SNCAIP: variants seen among roughly 807,000 people sequenced by gnomAD.
SNCAIP encodes the protein synuclein alpha interacting protein.
A neutral mutation model predicts 86.7 loss-of-function variants in SNCAIP; 43 were observed. The observed-to-expected ratio is 0.50, with a 90% CI of 0.39 to 0.64. The LOEUF (loss-of-function observed/expected upper bound fraction) is 0.64. Among genes scored for constraint, SNCAIP ranks in the 30% least tolerant of loss-of-function variants. SNCAIP has a pLI of 0.00. For missense variants in SNCAIP, 981 were observed against 1,103.1 expected (o/e 0.89, Z 1.57); for synonymous variants, 417 against 427.2 (o/e 0.98, Z 0.29).
intron 1 of SNCAIP, among the ~76,000 whole-genome samples, chr5:122,381,227 G>C: frequency 1.5e-5 from 2 of 133,492 alleles, no homozygotes; most frequent in African/African-American, 6.0e-5. Flanking sequence ...GGGTGCTCCT[G>C]TATTGGGTGC....
chr5:122,440,654 A>C lies in SNCAIP; in HGVS notation c.1322A>C (p.Gln441Pro), dbSNP rs750023564. Residue 441 changes from glutamine to proline, a missense_variant, in exon 7 of 11, where the codon CAG becomes CCG. By Grantham distance (76) the Gln-to-Pro change is moderately conservative. Transcript: ENST00000261368. ...GQEKILLWLL[Q>P]FMQEQGISLD... is the part of the protein sequence containing the mutation. ...GAAAAGATTCTTCTGTGGCTTCTTC[A>C]GTTTATGCAAGAACAGGGCATCTCG... 11 of 1,613,856 alleles carry C rather than the reference A, an allele frequency of 6.8e-6. No homozygotes were observed. The highest frequency in any genetic ancestry group is 9.3e-6 in the Non-Finnish European group (11 of 1,179,726).
At chr5:122,452,563 G>A (rs1783914010) in intron 10 of SNCAIP, among the ~76,000 whole-genome samples, 1 of 152,162 alleles carries the variant, frequency 6.6e-6, no homozygotes, top group South Asian at 2.1e-4. Context: ...TCTCTAATAA[G>A]TTGAACACCA....
chr5:122,436,481 G>C (rs548766417), intron 6 of SNCAIP: 1 of 152,152 alleles, frequency 6.6e-6, no homozygotes, highest in East Asian at 1.9e-4. Flanking sequence ...GAATTATTAA[G>C]GCCATAACCT....
At chr5:122,380,816 A>G (rs1483499945) in intron 1 of SNCAIP, among the ~76,000 whole-genome samples, 2 of 152,050 alleles carry the variant, frequency 1.3e-5, no homozygotes, top group Non-Finnish European at 2.9e-5. Context: ...GTCATTTAGG[A>G]GCAGGTTGTT....
At chr5:122,350,522 T>G (rs10051426) in intron 1 of SNCAIP, among the ~76,000 whole-genome samples, 10,443 of 151,956 alleles carry the variant, frequency 0.069, 1,145 homozygotes, top group African/African-American at 0.24. Context: ...TTGTTTGTTT[T>G]TTTTTTTTAA....
chr5:122,339,017 G>A (rs1757046772), intron 1 of SNCAIP, among the ~76,000 whole-genome samples: 1 of 152,152 alleles, frequency 6.6e-6, no homozygotes. Context: ...AAAGTTACGT[G>A]TACAAAGGCA....
chr5:122,383,312 G>A (rs368018027), intron 1 of SNCAIP, among the ~76,000 whole-genome samples: 22 of 152,256 alleles, frequency 1.4e-4, no homozygotes, highest in African/African-American at 4.8e-4. Flanking sequence ...TTCCAGGTGC[G>A]TCCGTCACCC....
chr5:122,337,207 C>A (rs573542937), intron 1 of SNCAIP, among the ~76,000 whole-genome samples: 5 of 152,232 alleles, frequency 3.3e-5, no homozygotes, highest in African/African-American at 9.6e-5. Context: ...CAATGTCAAC[C>A]TTTCAATGAT....
chr5:122,397,974 G>A (rs760000127), intron 2 of SNCAIP, among the ~76,000 whole-genome samples: 8 of 152,126 alleles, frequency 5.3e-5, no homozygotes, highest in Non-Finnish European at 7.4e-5. Context: ...GAAAAATGCC[G>A]TCTGGATTTT....
At chr5:122,318,815 T>C (rs951343538) in intron 1 of SNCAIP, among the ~76,000 whole-genome samples, 5 of 152,198 alleles carry the variant, frequency 3.3e-5, no homozygotes, top group Non-Finnish European at 1.5e-5. Flanking sequence ...AGAGACCAGA[T>C]AAGGAATCCT....
intron 7 of SNCAIP, among the ~76,000 whole-genome samples, chr5:122,443,284 C>T (rs1377069828): frequency 1.3e-5 from 2 of 152,186 alleles, no homozygotes; most frequent in African/African-American, 4.8e-5. Context: ...TTTGCAGTCT[C>T]ATCATGATAT....
chr5:122,419,971 A>G (rs1212659592), intron 3 of SNCAIP, among the ~76,000 whole-genome samples: 1 of 152,204 alleles, frequency 6.6e-6, no homozygotes, highest in African/African-American at 2.4e-5. Context: ...TGTATATAGC[A>G]CAAAGTTGCC....
chr5:122,317,012 G>A (rs949241545), intron 1 of SNCAIP, among the ~76,000 whole-genome samples: 3 of 152,176 alleles, frequency 2.0e-5, no homozygotes, highest in Admixed American at 2.0e-4. Context: ...CTCAATAAAT[G>A]TTAATTGAAC....
chr5:122,420,158 G>A (rs1009001369), intron 3 of SNCAIP, among the ~76,000 whole-genome samples: 4 of 152,138 alleles, frequency 2.6e-5, no homozygotes, highest in African/African-American at 4.8e-5. Flanking sequence ...GAAGGAGAGG[G>A]ACAACAAGCC....
chr5:122,428,980 C>T (rs571149623), intron 5 of SNCAIP, among the ~76,000 whole-genome samples: 1 of 152,028 alleles, frequency 6.6e-6, no homozygotes, highest in South Asian at 2.1e-4. Flanking sequence ...AAAGTTATGT[C>T]CTTCGATCAT....
chr5:122,429,171 A>C (rs887624804), intron 5 of SNCAIP, among the ~76,000 whole-genome samples: 2 of 151,830 alleles, frequency 1.3e-5, no homozygotes, highest in African/African-American at 4.8e-5. Flanking sequence ...CTAAAGCAGC[A>C]CTTAGAGGGA....
At chr5:122,334,148 A>G (rs2152704119) in intron 1 of SNCAIP, among the ~76,000 whole-genome samples, 1 of 152,344 alleles carries the variant, frequency 6.6e-6, no homozygotes, top group Non-Finnish European at 1.5e-5. Context: ...GCAAACTAAT[A>G]AAAACTAGCA....
chr5:122,371,497 G>T (rs576354187), intron 1 of SNCAIP: 20 of 152,236 alleles, frequency 1.3e-4, no homozygotes, highest in Admixed American at 3.9e-4. Context: ...TACTGTCTCT[G>T]AAAGAGAAGG....
At chr5:122,363,434 C>T (rs985487653) in intron 1 of SNCAIP, among the ~76,000 whole-genome samples, 1 of 152,122 alleles carries the variant, frequency 6.6e-6, no homozygotes, top group Non-Finnish European at 1.5e-5. Context: ...TGGCAGAACT[C>T]CTTCTCCTAA....
Sources: gnomAD v4.1 joint callset for allele counts (sites outside exome capture counted in the v4.1 genomes callset) on GRCh38, gnomAD v4.1.1 for gene constraint, MANE v1.5 for transcripts, NCBI Gene and HGNC (gene_info 2026-07-23, HGNC 2026-07-21) for gene names.